DNM2: variants seen among roughly 807,000 people sequenced by gnomAD.
The protein encoded by DNM2 is dynamin 2.
In DNM2, 15 loss-of-function variants were observed where a neutral mutation model predicts 99.0. The observed-to-expected ratio is 0.15, with a 90% confidence interval of 0.10 to 0.23. DNM2 has a LOEUF of 0.23. Ranked by LOEUF, DNM2 falls within the 10% of genes least tolerant of loss-of-function variation. The probability of loss-of-function intolerance (pLI) is 1.00; values close to 1 mark genes in which losing one functional copy is unlikely to be tolerated. For missense variants in DNM2, 742 were observed against 1,189.4 expected (o/e 0.62, Z 5.53); for synonymous variants, 525 against 481.2 (o/e 1.09, Z -1.19).
intron 1 of DNM2, among the ~76,000 whole-genome samples, chr19:10,724,347 T>G (rs1268034581): frequency 6.6e-6 from 1 of 152,038 alleles, no homozygotes; most frequent in Non-Finnish European, 1.5e-5. Context: ...CCGGCTAATT[T>G]TTTGTATTTT....
rs769214070 is a variant in DNM2, at chr19:10,718,127, CT to C, written c.-114del. 3.0e-5 allele frequency: 35 copies of C among 1,171,960 alleles called. No individual in the cohort carries two copies. The highest frequency in any genetic ancestry group is 2.4e-4 in the East Asian group (7 of 29,020). The allele number at this position is 1,171,960 out of a possible 1,614,324, so 72.6% of individuals were successfully genotyped here. On this transcript the variant is annotated 5_prime_UTR_variant, in exon 1 of 21. Coordinates refer to ENST00000389253, the MANE Select transcript of DNM2 (RefSeq NM_001005361.3). ...GTGAGGCCGAGCCGGGAGCGGGCGT[CT>C]TGCCGAGGCCCGGGCGGGCGGGGAG...
At chr19:10,785,272 C>T (rs2071520548) in intron 6 of DNM2, among the ~76,000 whole-genome samples, 1 of 152,044 alleles carries the variant, frequency 6.6e-6, no homozygotes, top group South Asian at 2.1e-4. Flanking sequence ...CACCCATCAC[C>T]ACACCCGGCT....
chr19:10,732,366 C>T (rs1294112876), intron 1 of DNM2, among the ~76,000 whole-genome samples: 3 of 149,220 alleles, frequency 2.0e-5, no homozygotes, highest in Admixed American at 6.6e-5. Context: ...TTTGGGAGGC[C>T]GAGGCGGGCG....
chr19:10,820,018 C>T lies in DNM2; in HGVS notation c.1710C>T (p.Leu570=). The T allele has an allele frequency of 5.6e-6, 9 of 1,614,196 alleles. No individual in the cohort carries two copies. The highest frequency in any genetic ancestry group is 7.6e-6 in the Non-Finnish European group (9 of 1,180,034). Residue 570 remains leucine, a synonymous_variant, in exon 16 of 21, where the codon CTC becomes CTT. Transcript: ENST00000389253. This position sits in a 1 kb window ranked among gnomAD's most constrained non-coding sequence, Gnocchi z 4.3. ...EKKYMLPLDN[L]KIRDVEKGFM... ...AGTACATGCTGCCTCTGGACAACCTCAAGATCCGTGATGTGGAGAAGGGCT... is the reference window on the plus strand; with the variant it reads ...AGTACATGCTGCCTCTGGACAACCTTAAGATCCGTGATGTGGAGAAGGGCT...
At chr19:10,784,428 G>A (rs2071484288) in intron 6 of DNM2, among the ~76,000 whole-genome samples, 1 of 152,162 alleles carries the variant, frequency 6.6e-6, no homozygotes, top group African/African-American at 2.4e-5. Flanking sequence ...ACGGGAGTAG[G>A]GAGAGGAAGG....
chr19:10,805,780 GT>G (rs2072311808), intron 12 of DNM2, 135 bp from the exon 13 acceptor site: 1 of 1,035,294 alleles, frequency 9.7e-7, no homozygotes, highest in South Asian at 1.3e-5. Flanking sequence ...AGCTCTGTGT[GT>G]GCAGGGGGCT....
chr19:10,754,564 T>G (rs993199609), intron 1 of DNM2, among the ~76,000 whole-genome samples: 23 of 150,988 alleles, frequency 1.5e-4, no homozygotes, highest in African/African-American at 5.6e-4. Flanking sequence ...CGCATAAATC[T>G]TAAACATATA....
chr19:10,722,068 T>C (rs952087051), intron 1 of DNM2, among the ~76,000 whole-genome samples: 3 of 152,152 alleles, frequency 2.0e-5, no homozygotes, highest in Non-Finnish European at 4.4e-5. Context: ...GGGGCCTAGA[T>C]GGGTGATTGG....
rs369402403 is a variant in DNM2 at position 10,731,354 on chromosome 19, C to CT, written c.161+12968dup. Among the ~76,000 whole-genome samples the CT allele has an allele frequency of 6.3e-3, 873 of 139,594 alleles. 10 individuals are homozygous for CT. Among genetic ancestry groups the CT allele is most frequent in the African/African-American group, 0.011 (401 of 37,764 alleles). 91.6% of individuals were successfully genotyped at this position (139,594 alleles called of 152,430 possible). A position where few individuals can be genotyped will look rare whatever the true frequency, so the allele number is the denominator to read the frequency against. On this transcript the variant is annotated intron_variant, in intron 1 of 20. Transcript: ENST00000389253. Reference sequence around the variant, plus strand: ...TCCAGGTTGTTCTTTTCTTTTCCTTCTTTTTTTTTTTTTTTTTGAGGCAGA... The same window carrying CT: ...TCCAGGTTGTTCTTTTCTTTTCCTTCTTTTTTTTTTTTTTTTTTGAGGCAGA...
chr19:10,825,319 G>A, intron 18 of DNM2, 98 bp downstream of exon 18: 2 of 1,540,174 alleles, frequency 1.3e-6, no homozygotes, highest in Middle Eastern at 2.3e-4. Context: ...CGGATCACTT[G>A]AGGTCAGGAG....
chr19:10,758,905 C>T (rs1036436989), intron 1 of DNM2, among the ~76,000 whole-genome samples: 9 of 152,120 alleles, frequency 5.9e-5, no homozygotes, highest in African/African-American at 1.7e-4. Flanking sequence ...TCCGCGAAAT[C>T]GATCCATTTC....
chr19:10,825,992 G>A (rs1184007731), intron 18 of DNM2, among the ~76,000 whole-genome samples: 1 of 147,798 alleles, frequency 6.8e-6, no homozygotes. Flanking sequence ...CTATGATCAT[G>A]CCACTGCACT....
rs981950176 is a variant in DNM2, at chr19:10,830,890, G to T, written c.2544-88G>T. 2 of 1,463,570 alleles carry T rather than the reference G, an allele frequency of 1.4e-6. No individual in the cohort carries two copies. Among genetic ancestry groups the T allele is most frequent in the East Asian group, 2.6e-5 (1 of 38,768 alleles). 90.7% of individuals were successfully genotyped at this position (1,463,570 alleles called of 1,614,324 possible). ...GAACACCCTGGGGTGGTGTGTGGGT[G>T]GGGGCTGGGTCCTCAACCCAGGCCT... On this transcript the variant is annotated intron_variant, in intron 20 of 20. Transcript: ENST00000389253. The surrounding 1 kb of genome is among the most constrained non-coding windows in gnomAD (Gnocchi z 4.8).
At position 10,830,361 on chromosome 19, in the gene DNM2, T is replaced by A. The variant is rs1173105671; in HGVS notation, c.2526T>A (p.Ile842=). Reference sequence around the variant, plus strand: ...GGCCAGTTCGGATCCCCCCAGGGATTCCCCCAGGAGTGCCCAGGTAAGGCC... The same window carrying A: ...GGCCAGTTCGGATCCCCCCAGGGATACCCCCAGGAGTGCCCAGGTAAGGCC... ...PSRPVRIPPG[I]PPGVPSRRPP... is the part of the protein sequence containing the mutation. The change falls in exon 20 of 21, where the codon ATT becomes ATA. Residue 842 remains isoleucine, a synonymous_variant. Coordinates refer to ENST00000389253, the MANE Select transcript of DNM2 (RefSeq NM_001005361.3). This position sits in a 1 kb window ranked among gnomAD's most constrained non-coding sequence, Gnocchi z 4.8. The A allele has an allele frequency of 3.7e-6, 6 of 1,611,402 alleles. No homozygotes were observed. The highest frequency in any genetic ancestry group is 5.1e-6 in the Non-Finnish European group (6 of 1,179,624).
chr19:10,791,418 A>G (rs893530689), intron 7 of DNM2, among the ~76,000 whole-genome samples: 1 of 152,150 alleles, frequency 6.6e-6, no homozygotes, highest in Non-Finnish European at 1.5e-5. Flanking sequence ...GACACCAGTT[A>G]TATTGGCTAT....
chr19:10,746,833 T>C (rs1304682070), intron 1 of DNM2, among the ~76,000 whole-genome samples: 1 of 141,538 alleles, frequency 7.1e-6, no homozygotes, highest in African/African-American at 2.7e-5. Flanking sequence ...GCCTCCTGGG[T>C]TCAAGCGGTT....
At chr19:10,738,109 T>C (rs1044515909) in intron 1 of DNM2, among the ~76,000 whole-genome samples, 1 of 151,698 alleles carries the variant, frequency 6.6e-6, no homozygotes, top group Non-Finnish European at 1.5e-5. Context: ...CAGAAGGAAG[T>C]AGGCCGGACG....
In DNM2 at chr19:10,811,928, C is replaced by T. The variant is rs1294526005; in HGVS notation, c.1558-336C>T. 2 of 455,594 alleles carry T rather than the reference C, an allele frequency of 4.4e-6. No homozygotes were observed. The highest frequency in any genetic ancestry group is 2.4e-5 in the Admixed American group (1 of 42,036). 28.2% of individuals were successfully genotyped at this position (455,594 alleles called of 1,614,324 possible). On this transcript the variant is annotated intron_variant, in intron 14 of 20. Transcript: ENST00000389253. The surrounding 1 kb of genome is among the most constrained non-coding windows in gnomAD (Gnocchi z 5.4). Reference sequence around the variant, plus strand: ...TTATCTCACGCAAACAAGTGCAGTTCCTCAGATGTCACATTTCATGTGCCA... The same window carrying T: ...TTATCTCACGCAAACAAGTGCAGTTTCTCAGATGTCACATTTCATGTGCCA...
chr19:10,825,555 G>A lies in DNM2; in HGVS notation c.2058+334G>A, dbSNP rs559499732. On this transcript the variant is annotated intron_variant, in intron 18 of 20. Coordinates refer to ENST00000389253, the MANE Select transcript of DNM2 (RefSeq NM_001005361.3). The stretch of plus-strand genomic sequence containing the variant: ...ACGGTAGCTCACGCCTGTAATCCCA[G>A]CTACTCAGGAGGCTGAGGCAGGGGA... Among the ~76,000 whole-genome samples the A allele has an allele frequency of 1.8e-4, 28 of 152,270 alleles. No homozygotes were observed. In the South Asian group the frequency reaches 5.6e-3, roughly 30 times the overall value.
Sources: gnomAD v4.1 joint callset for allele counts (sites outside exome capture counted in the v4.1 genomes callset) on GRCh38, gnomAD v4.1.1 for gene constraint, Gnocchi (gnomAD v3.1) non-coding constraint, MANE v1.5 for transcripts, NCBI Gene and HGNC (gene_info 2026-07-23, HGNC 2026-07-21) for gene names.